Variants in SAMMSON observed in about 807,000 individuals in gnomAD.
SAMMSON encodes survival associated mitochondrial melanoma specific oncogenic non-coding RNA.
intron 4 of SAMMSON, chr3:70,206,452 T>G: frequency 2.5e-6 from 1 of 395,012 alleles, no homozygotes; most frequent in Non-Finnish European, 4.5e-6. Flanking sequence ...CAAATCGAAG[T>G]CTTCGTGTTT....
At chr3:70,140,600 C>T (rs1262845100) in intron 4 of SAMMSON, 1 of 152,280 alleles carries the variant, frequency 6.6e-6, no homozygotes, top group Non-Finnish European at 1.5e-5. Context: ...TTATATTAAC[C>T]TCGTGGATTT....
chr3:70,150,116 CATA>C (rs1379157728), intron 4 of SAMMSON, among the ~76,000 whole-genome samples: 4 of 151,974 alleles, frequency 2.6e-5, no homozygotes, highest in Non-Finnish European at 4.4e-5. Flanking sequence ...AGTTGGTTGC[CATA>C]ATATGACTGT....
intron 7 of SAMMSON, among the ~76,000 whole-genome samples, chr3:70,325,947 C>T (rs1305964776): frequency 1.3e-5 from 2 of 152,158 alleles, no homozygotes; most frequent in Non-Finnish European, 2.9e-5. Context: ...CACGTATTTA[C>T]AATCCAGTTG....
intron 4 of SAMMSON, among the ~76,000 whole-genome samples, chr3:70,154,812 T>C (rs2067585590): frequency 6.6e-6 from 1 of 152,054 alleles, no homozygotes; most frequent in Admixed American, 6.6e-5. Flanking sequence ...GCCATGCTAC[T>C]TTTGTTGACT....
intron 4 of SAMMSON, among the ~76,000 whole-genome samples, chr3:70,082,991 CTG>C (rs1294680593): frequency 1.3e-5 from 2 of 152,184 alleles, no homozygotes; most frequent in African/African-American, 4.8e-5. Flanking sequence ...TGTAAGGTCT[CTG>C]TGTTTTGCTA....
At chr3:70,353,224 C>T (rs1575632003) in intron 7 of SAMMSON, among the ~76,000 whole-genome samples, 1 of 151,830 alleles carries the variant, frequency 6.6e-6, no homozygotes, top group African/African-American at 2.4e-5. Flanking sequence ...AAAAACTGTT[C>T]TCTGTAAAAT....
chr3:70,279,011 G>C (rs1702055426), intron 6 of SAMMSON, among the ~76,000 whole-genome samples: 1 of 151,176 alleles, frequency 6.6e-6, no homozygotes, highest in Non-Finnish European at 1.5e-5. Context: ...TCTATATGTA[G>C]ATGCCTATCA....
chr3:70,130,251 C>A (rs558578528), intron 4 of SAMMSON, among the ~76,000 whole-genome samples: 5 of 152,276 alleles, frequency 3.3e-5, no homozygotes, highest in Admixed American at 6.5e-5. Flanking sequence ...AGAATTGCAT[C>A]TGAGGAGCCA....
At chr3:70,384,308 T>C (rs1703102594) in intron 9 of SAMMSON, among the ~76,000 whole-genome samples, 1 of 152,000 alleles carries the variant, frequency 6.6e-6, no homozygotes, top group African/African-American at 2.4e-5. Flanking sequence ...CCACTGCACA[T>C]TTTAAAACCT....
chr3:70,362,247 G>A (rs940894642), intron 9 of SAMMSON, among the ~76,000 whole-genome samples: 4 of 152,106 alleles, frequency 2.6e-5, no homozygotes, highest in Non-Finnish European at 4.4e-5. Context: ...GAAATAAGTT[G>A]ACCTAACAGA....
chr3:70,172,237 T>C (rs1420660925), intron 4 of SAMMSON: 1 of 151,486 alleles, frequency 6.6e-6, no homozygotes, highest in Non-Finnish European at 1.5e-5. Context: ...GAACAGATTT[T>C]CCCCCCAAAT....
At chr3:70,116,260 G>A (rs2067410336) in intron 4 of SAMMSON, among the ~76,000 whole-genome samples, 1 of 128,194 alleles carries the variant, frequency 7.8e-6, no homozygotes, top group South Asian at 2.8e-4. Flanking sequence ...TTAATGACTT[G>A]TTTTCAAGTT....
At chr3:70,221,600 G>A (rs1701460400) in intron 4 of SAMMSON, among the ~76,000 whole-genome samples, 1 of 152,066 alleles carries the variant, frequency 6.6e-6, no homozygotes, top group Non-Finnish European at 1.5e-5. Context: ...CTTACCTACA[G>A]GCATTCCTTC....
intron 3 of SAMMSON, among the ~76,000 whole-genome samples, chr3:70,017,750 A>T (rs1241266429): frequency 2.0e-5 from 3 of 152,114 alleles, no homozygotes; most frequent in African/African-American, 7.2e-5. Context: ...TATTTTGAGA[A>T]ACATCCCATC....
chr3:70,281,389 G>A (rs1702081583), intron 6 of SAMMSON, among the ~76,000 whole-genome samples: 1 of 152,094 alleles, frequency 6.6e-6, no homozygotes, highest in Non-Finnish European at 1.5e-5. Context: ...ACGATCATAA[G>A]CTTCAGAATT....
intron 7 of SAMMSON, among the ~76,000 whole-genome samples, chr3:70,324,267 A>G (rs1276340234): frequency 6.6e-6 from 1 of 152,030 alleles, no homozygotes; most frequent in Non-Finnish European, 1.5e-5. Flanking sequence ...TATGACTGAT[A>G]GAGTGCCCAT....
intron 9 of SAMMSON, among the ~76,000 whole-genome samples, chr3:70,384,643 C>A (rs1362382241): frequency 2.6e-5 from 4 of 152,028 alleles, no homozygotes; most frequent in Non-Finnish European, 5.9e-5. Context: ...AGGGGCCCCG[C>A]AACATCTATA....
chr3:70,055,733 G>A (rs2067164597), intron 3 of SAMMSON, among the ~76,000 whole-genome samples: 2 of 152,040 alleles, frequency 1.3e-5, no homozygotes, highest in Admixed American at 1.3e-4. Context: ...GTTGGAAAAA[G>A]GAGAGATTAA....
chr3:70,001,027 G>A (rs2066903742), intron 1 of SAMMSON, among the ~76,000 whole-genome samples: 1 of 151,978 alleles, frequency 6.6e-6, no homozygotes. Flanking sequence ...GAGCTGGTTT[G>A]TTCCACTGGA....
Sources: allele counts gnomAD v4.1 joint callset (sites outside exome capture counted in the v4.1 genomes callset), GRCh38; gene constraint gnomAD v4.1.1; transcripts MANE v1.5; gene names NCBI Gene and HGNC (gene_info 2026-07-23, HGNC 2026-07-21).